The following MACROD2 variants were observed in gnomAD, a reference collection of about 807,000 sequenced individuals.
MACROD2 encodes the protein ADP-ribose glycohydrolase MACROD2.
Under a neutral mutation model 70.4 loss-of-function variants are expected in MACROD2, and 36 were observed. The observed-to-expected ratio is 0.51, with a 90% CI of 0.39 to 0.68. MACROD2 has a LOEUF of 0.68. MACROD2 is among the 30% of genes least tolerant of loss of function. The pLI is 0.00. For synonymous variants in MACROD2, 172 were observed against 178.8 expected, an observed-to-expected ratio of 0.96 and a Z score of 0.30; for missense variants, 496 against 538.4, an observed-to-expected ratio of 0.92 and a Z score of 0.78.
rs551796850 is a variant in MACROD2, at chr20:15,565,536, A to G, written c.645+65689A>G. Reference sequence around the variant, plus strand: ...GTGAGATCCTTTCAAACTGTAAGATACTTGTGTATGTAGTTTCTTGAGATA... The same window carrying G: ...GTGAGATCCTTTCAAACTGTAAGATGCTTGTGTATGTAGTTTCTTGAGATA... On this transcript the variant is annotated intron_variant, in intron 8 of 17. Transcript: ENST00000684519. 2.0e-4 allele frequency among the ~76,000 whole-genome samples: 31 copies of G among 152,342 alleles called. 1 individual carries two copies. The South Asian group carries it at 6.0e-3, about 30-fold the overall frequency.
At chr20:15,680,243 G>A (rs1362247071) in intron 8 of MACROD2, among the ~76,000 whole-genome samples, 2 of 152,132 alleles carry the variant, frequency 1.3e-5, no homozygotes, top group Non-Finnish European at 2.9e-5. Context: ...GGAAAAATTA[G>A]GTAGAGAGCA....
At chr20:14,366,650 CCA>C (rs1056086552) in intron 3 of MACROD2, among the ~76,000 whole-genome samples, 1 of 152,124 alleles carries the variant, frequency 6.6e-6, no homozygotes, top group African/African-American at 2.4e-5. Context: ...CAGGCATGAG[CCA>C]CCACACCCGG....
intron 17 of MACROD2, among the ~76,000 whole-genome samples, chr20:16,046,675 C>CTTTTTTT (rs557907668): frequency 7.0e-5 from 6 of 85,502 alleles, no homozygotes; most frequent in Non-Finnish European, 1.1e-4. Context: ...GGTGTCAAAA[C>CTTTTTTT]TTTTTTTTTT....
intron 16 of MACROD2, among the ~76,000 whole-genome samples, chr20:16,042,801 C>T (rs1165995968): frequency 2.0e-5 from 3 of 152,028 alleles, no homozygotes; most frequent in African/African-American, 7.2e-5. Context: ...AATGAGTTCA[C>T]ACATCATTAG....
chr20:15,946,442 G>T (rs897964976), intron 12 of MACROD2, among the ~76,000 whole-genome samples: 1 of 152,066 alleles, frequency 6.6e-6, no homozygotes, highest in African/African-American at 2.4e-5. Flanking sequence ...GGGGGGTGGT[G>T]CATGCATATT....
At chr20:16,036,154 C>T (rs2067232515) in intron 15 of MACROD2, among the ~76,000 whole-genome samples, 1 of 151,948 alleles carries the variant, frequency 6.6e-6, no homozygotes, top group Non-Finnish European at 1.5e-5. Flanking sequence ...TCCAGACAGG[C>T]CCTGAGCTCT....
chr20:15,187,650 T>A (rs2076542736), intron 5 of MACROD2, among the ~76,000 whole-genome samples: 1 of 152,200 alleles, frequency 6.6e-6, no homozygotes, highest in African/African-American at 2.4e-5. Context: ...TCTGATGATG[T>A]TTTCTGAAAA....
chr20:15,662,391 T>A (rs1240837237), intron 8 of MACROD2, among the ~76,000 whole-genome samples: 1 of 152,232 alleles, frequency 6.6e-6, no homozygotes, highest in Non-Finnish European at 1.5e-5. Context: ...TCTTTTTTTT[T>A]CTTTGCATCC....
chr20:15,326,701 G>C (rs1268753422), intron 6 of MACROD2, among the ~76,000 whole-genome samples: 1 of 152,098 alleles, frequency 6.6e-6, no homozygotes, highest in Non-Finnish European at 1.5e-5. Flanking sequence ...GCAAGAGAGA[G>C]TTGTGTGCAT....
At chr20:14,649,801 G>A (rs1411133699) in intron 4 of MACROD2, among the ~76,000 whole-genome samples, 1 of 152,070 alleles carries the variant, frequency 6.6e-6, no homozygotes, top group African/African-American at 2.4e-5. Flanking sequence ...CTAATACCAG[G>A]GCCCTCCCTT....
At chr20:15,474,284 G>A (rs947192785) in intron 7 of MACROD2, among the ~76,000 whole-genome samples, 9 of 152,014 alleles carry the variant, frequency 5.9e-5, no homozygotes, top group Non-Finnish European at 1.0e-4. Flanking sequence ...TTCATTCTAC[G>A]TTTGTGGATG....
chr20:15,811,078 T>C (rs1156341730), intron 8 of MACROD2, among the ~76,000 whole-genome samples: 1 of 151,550 alleles, frequency 6.6e-6, no homozygotes, highest in African/African-American at 2.4e-5. Context: ...AAAGCCAAAA[T>C]TGACAAATGG....
intron 8 of MACROD2, among the ~76,000 whole-genome samples, chr20:15,775,291 A>G (rs903568175): frequency 6.6e-6 from 1 of 152,114 alleles, no homozygotes; most frequent in Non-Finnish European, 1.5e-5. Context: ...TCTAACATCA[A>G]TAGGTGAAGC....
chr20:14,841,178 T>TTTTCTG lies in MACROD2; in HGVS notation c.418+156219_418+156220insTTTCTG, dbSNP rs2073083087. ...ATTGTGAAAATAGAGAACTCAGTTA[T>TTTTCTG]AGTTAAATGACTGATGTTCTATAAG... On this transcript the variant is annotated intron_variant, in intron 5 of 17. Coordinates refer to ENST00000684519, the MANE Select transcript of MACROD2 (RefSeq NM_001351661.2). 3.0e-4 allele frequency among the ~76,000 whole-genome samples: 46 copies of TTTTCTG among 152,268 alleles called. 1 individual carries two copies. The highest frequency in any genetic ancestry group is 2.6e-3 in the Admixed American group (40 of 15,286).
At chr20:15,004,490 T>G (rs1030358266) in intron 5 of MACROD2, among the ~76,000 whole-genome samples, 3 of 152,226 alleles carry the variant, frequency 2.0e-5, no homozygotes, top group African/African-American at 4.8e-5. Context: ...GCTATTTATT[T>G]TAAATGGGTG....
intron 3 of MACROD2, among the ~76,000 whole-genome samples, chr20:14,359,854 C>G (rs1009548980): frequency 6.6e-6 from 1 of 151,724 alleles, no homozygotes; most frequent in African/African-American, 2.4e-5. Flanking sequence ...AGAGTGAGAC[C>G]CTGTCTCAAA....
chr20:15,003,234 A>G (rs1380360348), intron 5 of MACROD2, among the ~76,000 whole-genome samples: 1 of 152,198 alleles, frequency 6.6e-6, no homozygotes, highest in Non-Finnish European at 1.5e-5. Flanking sequence ...TCAGCTTTCC[A>G]ATGTAGTCAG....
chr20:15,594,376 C>T (rs547473229), intron 8 of MACROD2, among the ~76,000 whole-genome samples: 1 of 152,096 alleles, frequency 6.6e-6, no homozygotes, highest in East Asian at 1.9e-4. Context: ...ACAGCCACTT[C>T]AATTGGCTCC....
At chr20:15,448,139 G>C (rs115646053) in intron 7 of MACROD2, among the ~76,000 whole-genome samples, 135 of 152,182 alleles carry the variant, frequency 8.9e-4, no homozygotes, top group African/African-American at 3.2e-3. Flanking sequence ...CCTAGGAGTG[G>C]AGAGGAGATG....
Sources: gnomAD v4.1 joint callset for allele counts (sites outside exome capture counted in the v4.1 genomes callset) on GRCh38, gnomAD v4.1.1 for gene constraint, MANE v1.5 for transcripts, NCBI Gene and HGNC (gene_info 2026-07-23, HGNC 2026-07-21) for gene names.